The following DOCK3 variants were observed in gnomAD, a reference collection of about 807,000 sequenced individuals.
DOCK3 encodes dedicator of cytokinesis 3, also known as dedicator of cytokinesis protein 3.
In DOCK3, 60 loss-of-function variants were observed where a neutral mutation model predicts 265.6. The observed-to-expected ratio is 0.23, with a 90% CI of 0.18 to 0.28. The LOEUF is 0.28. Among genes scored for constraint, DOCK3 ranks in the 10% least tolerant of loss-of-function variants. The probability of loss-of-function intolerance (pLI) is 1.00; values close to 1 mark genes in which losing one functional copy is unlikely to be tolerated. For missense variants in DOCK3, 1,981 were observed against 2,594.3 expected (o/e 0.76, Z 5.14); for synonymous variants, 881 against 938.0 (o/e 0.94, Z 1.11).
At chr3:51,013,226 G>A (rs1340251051) in intron 5 of DOCK3, among the ~76,000 whole-genome samples, 2 of 152,194 alleles carry the variant, frequency 1.3e-5, no homozygotes, top group African/African-American at 2.4e-5. Context: ...AGGAGATGCA[G>A]TGCTCTGGTT....
chr3:51,224,837 A>G (rs1195308331), intron 14 of DOCK3, among the ~76,000 whole-genome samples: 21 of 152,148 alleles, frequency 1.4e-4, no homozygotes, highest in Admixed American at 1.4e-3. Flanking sequence ...ACTCTTATAC[A>G]TGAACAGGCA....
chr3:51,235,273 C>T (rs1374740480), intron 19 of DOCK3, among the ~76,000 whole-genome samples: 4 of 152,178 alleles, frequency 2.6e-5, no homozygotes, highest in Admixed American at 2.6e-4. Flanking sequence ...AATTCATACT[C>T]ATATTTTCCT....
chr3:51,310,356 C>T (rs757329437), intron 28 of DOCK3, 30 bp downstream of exon 28: 2 of 1,510,092 alleles, frequency 1.3e-6, no homozygotes, highest in Non-Finnish European at 1.8e-6. Flanking sequence ...GTATCAGCAT[C>T]ACTGAGCTGT....
intron 32 of DOCK3, among the ~76,000 whole-genome samples, chr3:51,322,148 C>A (rs1390496064): frequency 6.6e-6 from 1 of 152,086 alleles, no homozygotes; most frequent in Admixed American, 6.6e-5. Flanking sequence ...ACCCTACAAG[C>A]CAGAAAAGCC....
chr3:50,916,573 T>A (rs2107978795), intron 4 of DOCK3, among the ~76,000 whole-genome samples: 1 of 152,182 alleles, frequency 6.6e-6, no homozygotes, highest in South Asian at 2.1e-4. Context: ...ATCGCAGCAC[T>A]TTGGGAGGCT....
intron 2 of DOCK3, chr3:50,787,612 T>A: frequency 8.1e-7 from 1 of 1,230,680 alleles, no homozygotes. Context: ...CTCCTTTGTT[T>A]CCCGCTTCTT....
intron 5 of DOCK3, among the ~76,000 whole-genome samples, chr3:51,008,261 G>A (rs549830080): frequency 6.6e-6 from 1 of 152,194 alleles, no homozygotes; most frequent in African/African-American, 2.4e-5. Flanking sequence ...CATGAACATG[G>A]AATGTTCTTC....
intron 5 of DOCK3, among the ~76,000 whole-genome samples, chr3:50,974,175 T>G (rs1301600167): frequency 2.0e-5 from 3 of 152,100 alleles, no homozygotes; most frequent in Non-Finnish European, 4.4e-5. Flanking sequence ...TGTCTTTTGT[T>G]GCCATTGCTT....
chr3:51,364,096 CCCA>C (rs1394472410), intron 49 of DOCK3, among the ~76,000 whole-genome samples: 1 of 152,216 alleles, frequency 6.6e-6, no homozygotes, highest in South Asian at 2.1e-4. Flanking sequence ...AGTTTACAGT[CCCA>C]CCAACAGTGT....
Position 50,778,754 on chromosome 3 carries a change from T to C in DOCK3, c.117T>C (p.Cys39=), listed in dbSNP as rs1470307166. ...IGETVQILEK[C]EGWYRGVSTK... is the part of the protein sequence containing the mutation. The stretch of plus-strand genomic sequence containing the variant: ...AAACAGTCCAGATTCTTGAAAAATG[T>C]GAAGGTGAGTATGGACCTACAAAGC... Residue 39 remains cysteine, a synonymous_variant, in exon 2 of 53, where the codon TGT becomes TGC. Coordinates refer to ENST00000266037, the MANE Select transcript of DOCK3 (RefSeq NM_004947.5). 8 of 1,573,712 alleles carry C rather than the reference T, an allele frequency of 5.1e-6. No individual in the cohort carries two copies. Among genetic ancestry groups the C allele is most frequent in the Non-Finnish European group, 6.9e-6 (8 of 1,157,666 alleles).
chr3:51,249,671 C>T (rs1429026299), intron 22 of DOCK3, among the ~76,000 whole-genome samples: 1 of 123,326 alleles, frequency 8.1e-6, no homozygotes, highest in Non-Finnish European at 1.7e-5. Flanking sequence ...GCCCCCCACC[C>T]GGCCAGCCGC....
intron 8 of DOCK3, 55 bp from the exon 9 acceptor site, chr3:51,090,175 T>G: frequency 6.8e-7 from 1 of 1,478,314 alleles, no homozygotes; most frequent in Non-Finnish European, 9.0e-7. Context: ...TTTTTAATGA[T>G]CAATATAAAA....
chr3:51,103,890 A>G (rs185778088), intron 9 of DOCK3, among the ~76,000 whole-genome samples: 62 of 152,360 alleles, frequency 4.1e-4, no homozygotes, highest in African/African-American at 1.4e-3. Context: ...CTAGGGAGCT[A>G]GACAGCAATA....
chr3:50,804,581 A>G (rs1022668237), intron 2 of DOCK3, among the ~76,000 whole-genome samples: 2 of 152,132 alleles, frequency 1.3e-5, no homozygotes, highest in Admixed American at 6.5e-5. Flanking sequence ...CACCAAAAAT[A>G]TACGAAAACC....
chr3:50,706,520 A>G (rs2036424022), intron 1 of DOCK3, among the ~76,000 whole-genome samples: 1 of 151,540 alleles, frequency 6.6e-6, no homozygotes, highest in Non-Finnish European at 1.5e-5. Flanking sequence ...TGTTTTTAGA[A>G]CTCTCTTTGT....
intron 5 of DOCK3, among the ~76,000 whole-genome samples, chr3:50,987,300 C>T (rs2077938029): frequency 6.6e-6 from 1 of 152,048 alleles, no homozygotes; most frequent in Non-Finnish European, 1.5e-5. Context: ...TATCCCTGAC[C>T]TTTTACATTT....
chr3:51,190,546 T>C (rs2087880695), intron 12 of DOCK3, among the ~76,000 whole-genome samples: 1 of 152,168 alleles, frequency 6.6e-6, no homozygotes, highest in African/African-American at 2.4e-5. Flanking sequence ...TGAGGTAACA[T>C]ACAAGTTTTC....
intron 12 of DOCK3, among the ~76,000 whole-genome samples, chr3:51,204,684 A>C (rs2089060397): frequency 6.9e-6 from 1 of 145,318 alleles, no homozygotes. Context: ...CCAAAGGACT[A>C]TAAATCATGC....
chr3:50,987,380 G>T (rs2077941681), intron 5 of DOCK3, among the ~76,000 whole-genome samples: 1 of 152,180 alleles, frequency 6.6e-6, no homozygotes, highest in African/African-American at 2.4e-5. Context: ...TTAATCATTT[G>T]CCTGATCTTA....
Sources: allele counts gnomAD v4.1 joint callset (sites outside exome capture counted in the v4.1 genomes callset), GRCh38; gene constraint gnomAD v4.1.1; transcripts MANE v1.5; gene names NCBI Gene and HGNC (gene_info 2026-07-23, HGNC 2026-07-21).